The following ETV7 variants were observed in gnomAD, a reference collection of about 807,000 sequenced individuals.
ETV7 encodes the protein transcription factor ETV7.
In ETV7, 43 loss-of-function variants were observed where a neutral mutation model predicts 39.1. The ratio of observed to expected loss-of-function variants is 1.10; its 90% CI spans 0.86 to 1.42. The LOEUF is 1.42. Among genes scored for constraint, ETV7 ranks in the 40% most tolerant of loss-of-function variants. The pLI, the probability that ETV7 is intolerant of heterozygous loss-of-function variation, is 0.00. For synonymous variants in ETV7, 196 were observed against 176.6 expected, an observed-to-expected ratio of 1.11 and a Z score of -0.87; for missense variants, 432 against 442.3, an observed-to-expected ratio of 0.98 and a Z score of 0.21.
intron 4 of ETV7, among the ~76,000 whole-genome samples, chr6:36,372,954 G>C (rs1280716343): frequency 6.6e-6 from 1 of 151,764 alleles, no homozygotes; most frequent in Non-Finnish European, 1.5e-5. Context: ...TCTAGAAGCA[G>C]GGGAGAAGAG....
intron 6 of ETV7, 134 bp from the exon 7 acceptor site, chr6:36,367,109 C>T: frequency 2.8e-6 from 2 of 719,550 alleles, no homozygotes; most frequent in East Asian, 2.5e-5. Flanking sequence ...TATGAGTGCT[C>T]ACTTGAGTTT....
intron 2 of ETV7, among the ~76,000 whole-genome samples, chr6:36,377,084 T>C (rs1773413752): frequency 6.6e-6 from 1 of 152,218 alleles, no homozygotes; most frequent in African/African-American, 2.4e-5. Flanking sequence ...GCTACGCTCC[T>C]AATGCCAAGT....
chr6:36,354,857 T>C (rs1017583081), intron 7 of ETV7, among the ~76,000 whole-genome samples: 2 of 152,244 alleles, frequency 1.3e-5, no homozygotes, highest in Admixed American at 1.3e-4. Context: ...TCAGAGTATA[T>C]GTCTTGTGCT....
chr6:36,366,491 G>A lies in ETV7; in HGVS notation c.*154C>T, dbSNP rs1234762987. 4 of 1,509,228 alleles carry A rather than the reference G, an allele frequency of 2.7e-6. No individual in the cohort carries two copies. The highest frequency in any genetic ancestry group is 2.8e-5 in the African/African-American group (2 of 71,930). 93.5% of individuals were successfully genotyped at this position (1,509,228 alleles called of 1,614,324 possible). ...ACTCCTGCCCCCAGTGTCCTGGATG[G>A]GAGGCCTCCCAGCCTTCCCAAGCAA... is the stretch of plus-strand genomic sequence containing the variant. On this transcript the variant is annotated 3_prime_UTR_variant, in exon 8 of 8. Coordinates refer to ENST00000340181, the MANE Select transcript of ETV7 (RefSeq NM_016135.4).
chr6:36,373,614 C>A, intron 3 of ETV7, 36 bp from the exon 4 acceptor site: 1 of 1,517,942 alleles, frequency 6.6e-7, no homozygotes, highest in Admixed American at 2.2e-5. Flanking sequence ...GGCTGCTGAA[C>A]AGGCCACGTG....
rs150386665 is a variant in ETV7 at position 36,366,919 on chromosome 6, C to T, written c.864G>A (p.Lys288=). ...CCGGTTCCTTCTTAATGATATTAAG[C>T]TTATAATAGTGGCGCAGGGCACGAG... ...KMSRALRHYY[K]LNIIKKEPGQ... The change falls in exon 7 of 8, where the codon AAG becomes AAA. Residue 288 remains lysine, a synonymous_variant. Transcript: ENST00000340181. The T allele has an allele frequency of 1.2e-5, 20 of 1,613,920 alleles. No homozygotes were observed. Among genetic ancestry groups the T allele is most frequent in the Non-Finnish European group, 1.7e-5 (20 of 1,180,038 alleles).
intron 2 of ETV7, among the ~76,000 whole-genome samples, chr6:36,376,948 T>A (rs760278230): frequency 1.1e-4 from 16 of 152,162 alleles, no homozygotes; most frequent in Non-Finnish European, 1.9e-4. Context: ...TCAGGTTTGC[T>A]CAGGGAACAG....
chr6:36,369,045 A>G lies in ETV7; in HGVS notation c.691T>C (p.Tyr231His). 2 of 1,614,186 alleles carry G rather than the reference A, an allele frequency of 1.2e-6. No individual in the cohort carries two copies. The highest frequency in any genetic ancestry group is 8.5e-7 in the Non-Finnish European group (1 of 1,180,030). The change falls in exon 6 of 8, where the codon TAT (tyrosine) becomes CAT (histidine). Residue 231 changes from tyrosine (Y) to histidine (H), a missense_variant. Transcript: ENST00000340181. ...TATCGGGTATCAAGGAGCAGCTGAT[A>G]CACGTAATCCCACAGCAGGCGGCAG... is the stretch of plus-strand genomic sequence containing the variant. ...ADCRLLWDYVYQLLLDTRYEP... is the reference protein window; with the variant it reads ...ADCRLLWDYVHQLLLDTRYEP...
chr6:36,379,026 G>C (rs909851718), intron 2 of ETV7, among the ~76,000 whole-genome samples: 2 of 152,264 alleles, frequency 1.3e-5, no homozygotes, highest in Non-Finnish European at 2.9e-5. Flanking sequence ...GCCGCGATGG[G>C]AGATGAGTCT....
At chr6:36,379,163 C>G (rs1255629475) in intron 2 of ETV7, among the ~76,000 whole-genome samples, 1 of 152,178 alleles carries the variant, frequency 6.6e-6, no homozygotes, top group Non-Finnish European at 1.5e-5. Flanking sequence ...GGGTGTCAAC[C>G]GCCAATTGCA....
At chr6:36,371,296 C>A (rs763672190) in intron 5 of ETV7, 34 bp downstream of exon 5, 7 of 1,544,932 alleles carry the variant, frequency 4.5e-6, no homozygotes, top group South Asian at 1.2e-5. Context: ...ACTCAGTGCA[C>A]CTTCCATGGC....
intron 3 of ETV7, 77 bp downstream of exon 3, chr6:36,375,794 G>A: frequency 1.2e-6 from 2 of 1,604,382 alleles, no homozygotes; most frequent in Non-Finnish European, 1.7e-6. Flanking sequence ...CTCCCTCCCT[G>A]GGCCCCCCGG....
intron 6 of ETV7, among the ~76,000 whole-genome samples, chr6:36,367,599 T>C (rs550092556): frequency 4.6e-5 from 7 of 152,142 alleles, no homozygotes; most frequent in East Asian, 1.9e-4. Flanking sequence ...AACAAATAAA[T>C]ATATATATTT....
At chr6:36,371,242 G>T in intron 5 of ETV7, 88 bp downstream of exon 5, 1 of 1,305,718 alleles carries the variant, frequency 7.7e-7, no homozygotes, top group South Asian at 1.3e-5. Context: ...CCATCACCAG[G>T]TCAAAATAGC....
At chr6:36,382,113 T>A (rs879036) in intron 2 of ETV7, among the ~76,000 whole-genome samples, 2 of 152,034 alleles carry the variant, frequency 1.3e-5, no homozygotes, top group African/African-American at 4.8e-5. Flanking sequence ...ATCCATCTAA[T>A]CTCCTGCTTC....
chr6:36,377,304 A>G (rs1773425979), intron 2 of ETV7, among the ~76,000 whole-genome samples: 1 of 152,160 alleles, frequency 6.6e-6, no homozygotes, highest in Non-Finnish European at 1.5e-5. Flanking sequence ...CTCCAAAAAT[A>G]CAAAAAAGAA....
Position 36,355,183 on chromosome 6 carries a change from G to A in ETV7, c.909-496C>T, listed in dbSNP as rs145522201. ...TGCAATATTAGGAGAAAAGCATCTA[G>A]TCGTTCACCATTAAGTAGGATGGTA... On this transcript the variant is annotated intron_variant, in intron 7 of 7. Coordinates refer to the ETV7 transcript ENST00000339796. 7.2e-5 allele frequency among the ~76,000 whole-genome samples: 11 copies of A among 152,268 alleles called. No homozygotes were observed. In the East Asian group the frequency reaches 1.7e-3, roughly 24 times the overall value.
chr6:36,383,480 T>C, intron 2 of ETV7, among the ~76,000 whole-genome samples: 1 of 152,122 alleles, frequency 6.6e-6, no homozygotes, highest in Non-Finnish European at 1.5e-5. Context: ...AAACAAGATC[T>C]GTTTTGTTTA....
chr6:36,380,604 C>T (rs747368133), intron 2 of ETV7, among the ~76,000 whole-genome samples: 3 of 152,172 alleles, frequency 2.0e-5, no homozygotes, highest in Admixed American at 6.5e-5. Flanking sequence ...TGGGGGCTCC[C>T]CTCCACCTCC....
Sources: gnomAD v4.1 joint callset for allele counts (sites outside exome capture counted in the v4.1 genomes callset) on GRCh38, gnomAD v4.1.1 for gene constraint, MANE v1.5 for transcripts, NCBI Gene and HGNC (gene_info 2026-07-23, HGNC 2026-07-21) for gene names.